AKAP19: variants seen among roughly 807,000 people sequenced by gnomAD.
AKAP19 encodes the protein small A-kinase anchoring protein.
At chr2:190,007,457 T>C in the AKAP19 span, among the ~76,000 whole-genome samples, 1 of 152,200 alleles carries the variant, frequency 6.6e-6, no homozygotes, top group African/African-American at 2.4e-5. Flanking sequence ...CTGTTTTCTG[T>C]ATGTTATGGA....
chr2:189,980,501 GT>G, the AKAP19 span, among the ~76,000 whole-genome samples: 4 of 151,984 alleles, frequency 2.6e-5, no homozygotes, highest in African/African-American at 7.3e-5. Flanking sequence ...TGCCCAGTTA[GT>G]TTTTGTATTT....
chr2:190,015,061 G>A, the AKAP19 span, among the ~76,000 whole-genome samples: 3 of 152,228 alleles, frequency 2.0e-5, no homozygotes, highest in Non-Finnish European at 1.5e-5. Flanking sequence ...ACATGCACAT[G>A]CAAGCTGTCG....
the AKAP19 span, among the ~76,000 whole-genome samples, chr2:190,194,363 A>G: frequency 6.6e-6 from 1 of 152,004 alleles, no homozygotes; most frequent in Non-Finnish European, 1.5e-5. Flanking sequence ...TGTATCTTTT[A>G]TAGATAGCAT....
chr2:190,057,636 A>T, the AKAP19 span: 1 of 1,613,106 alleles, frequency 6.2e-7, no homozygotes, highest in Non-Finnish European at 8.5e-7. Flanking sequence ...CTAAAAACGG[A>T]TTCTGTTTGA....
At chr2:189,925,276 T>C in the AKAP19 span, among the ~76,000 whole-genome samples, 1 of 152,144 alleles carries the variant, frequency 6.6e-6, no homozygotes, top group Non-Finnish European at 1.5e-5. Flanking sequence ...TAATCCTCGG[T>C]GGTTTAGTGT....
the AKAP19 span, among the ~76,000 whole-genome samples, chr2:189,929,927 A>G: frequency 0.71 from 108,183 of 152,126 alleles, 42,939 homozygotes; most frequent in Non-Finnish European, 0.89. Context: ...TAGGAAAATA[A>G]CTACTATCTT....
chr2:190,193,361 C>T, the AKAP19 span, among the ~76,000 whole-genome samples: 7 of 152,052 alleles, frequency 4.6e-5, no homozygotes, highest in African/African-American at 1.7e-4. Flanking sequence ...GGTCTATGTT[C>T]ATGAGGGATA....
chr2:190,174,569 A>G, the AKAP19 span, among the ~76,000 whole-genome samples: 1 of 152,222 alleles, frequency 6.6e-6, no homozygotes, highest in African/African-American at 2.4e-5. Flanking sequence ...AAGCTAAACT[A>G]TGTTGATCAA....
the AKAP19 span, chr2:190,060,570 G>A: frequency 1.3e-6 from 1 of 759,084 alleles, no homozygotes; most frequent in South Asian, 2.0e-5. Flanking sequence ...AATACCGTGT[G>A]GAACTTTATA....
the AKAP19 span, among the ~76,000 whole-genome samples, chr2:189,903,507 C>T: frequency 6.6e-6 from 1 of 151,858 alleles, no homozygotes; most frequent in South Asian, 2.1e-4. Context: ...CAATAATGAA[C>T]ATTGTTATCA....
At chr2:189,960,518 C>A in the AKAP19 span, among the ~76,000 whole-genome samples, 1 of 152,140 alleles carries the variant, frequency 6.6e-6, no homozygotes, top group Non-Finnish European at 1.5e-5. Context: ...TATCTTTTAA[C>A]ACAGTGATTA....
At chr2:190,021,107 A>T in the AKAP19 span, among the ~76,000 whole-genome samples, 1 of 152,154 alleles carries the variant, frequency 6.6e-6, no homozygotes, top group African/African-American at 2.4e-5. Flanking sequence ...CCAAATACCT[A>T]TTTGAGTCCC....
chr2:190,038,934 CTTCTTCT>C, the AKAP19 span, among the ~76,000 whole-genome samples: 3 of 140,408 alleles, frequency 2.1e-5, no homozygotes, highest in African/African-American at 8.6e-5. Context: ...TCTTCTTCTT[CTTCTTCT>C]TCTTCTTCTT....
chr2:190,192,307 T>C, the AKAP19 span, among the ~76,000 whole-genome samples: 1 of 152,256 alleles, frequency 6.6e-6, no homozygotes. Flanking sequence ...CATAGGTTTG[T>C]GGCTAGCCTT....
At chr2:190,168,295 A>G in the AKAP19 span, among the ~76,000 whole-genome samples, 22 of 152,100 alleles carry the variant, frequency 1.4e-4, no homozygotes, top group Non-Finnish European at 2.5e-4. Flanking sequence ...GACCACACAC[A>G]GCATGGGTAG....
the AKAP19 span, among the ~76,000 whole-genome samples, chr2:189,956,591 T>C: frequency 1.3e-5 from 2 of 151,988 alleles, no homozygotes. Flanking sequence ...ATATTAATTT[T>C]TTTTTGAGAT....
chr2:190,057,573 G>T, the AKAP19 span: 1 of 1,613,400 alleles, frequency 6.2e-7, no homozygotes, highest in East Asian at 2.2e-5. Context: ...GCTCATCACA[G>T]TCAAGACCAA....
the AKAP19 span, among the ~76,000 whole-genome samples, chr2:190,163,269 C>G: frequency 6.6e-6 from 1 of 151,732 alleles, no homozygotes; most frequent in Admixed American, 6.6e-5. Flanking sequence ...CCCGTTTCTA[C>G]TAAAAATACA....
chr2:190,051,219 A>G, the AKAP19 span, among the ~76,000 whole-genome samples: 1 of 152,286 alleles, frequency 6.6e-6, no homozygotes, highest in Admixed American at 6.5e-5. Context: ...AATAATTCCT[A>G]TATAATGTGA....
Sources: gnomAD v4.1 joint callset for allele counts (sites outside exome capture counted in the v4.1 genomes callset) on GRCh38, gnomAD v4.1.1 for gene constraint, MANE v1.5 for transcripts, NCBI Gene and HGNC (gene_info 2026-07-23, HGNC 2026-07-21) for gene names.